The following ANKRD24 variants were observed in gnomAD, a reference collection of about 807,000 sequenced individuals.
ANKRD24 encodes the protein ankyrin repeat domain 24.
In ANKRD24, 109 loss-of-function variants were observed where a neutral mutation model predicts 127.8. That is an observed-to-expected ratio of 0.85 (90% CI 0.73 to 1.00). The LOEUF is 1.00. Ranked by LOEUF, ANKRD24 falls within the 50% of genes least tolerant of loss-of-function variation. The pLI, the probability that ANKRD24 is intolerant of heterozygous loss-of-function variation, is 0.00. For synonymous variants in ANKRD24, 743 were observed against 671.1 expected (o/e 1.11, Z -1.66); for missense variants, 1,648 against 1,570.2 (o/e 1.05, Z -0.84).
At position 4,200,184 on chromosome 19, in the gene ANKRD24, G is replaced by A; in HGVS notation, c.343+13G>A. 1.3e-6 allele frequency: 2 copies of A among 1,585,322 alleles called. No homozygotes were observed. The highest frequency in any genetic ancestry group is 1.7e-6 in the Non-Finnish European group (2 of 1,167,452). Reference sequence around the variant, plus strand: ...GCGGACGGGGCAGGTACTGCCAGCTGGGCCCCGGGGAGGGAGGAGGAACTA... The same window carrying A: ...GCGGACGGGGCAGGTACTGCCAGCTAGGCCCCGGGGAGGGAGGAGGAACTA... On this transcript the variant is annotated intron_variant, in intron 5 of 21. Transcript: ENST00000318934.
chr19:4,202,254 C>T (rs1188524175), intron 6 of ANKRD24, among the ~76,000 whole-genome samples, 164 bp downstream of exon 6: 1 of 152,058 alleles, frequency 6.6e-6, no homozygotes, highest in Non-Finnish European at 1.5e-5. Context: ...TCAGACCATC[C>T]ACATGCTTCT....
chr19:4,199,651 A>AC lies in ANKRD24; in HGVS notation c.37-27dup. 6.6e-7 allele frequency: 1 copy of AC among 1,505,748 alleles called. No homozygotes were observed. The allele number at this position is 1,505,748 out of a possible 1,614,324, so 93.3% of individuals were successfully genotyped here. A position where few individuals can be genotyped will look rare whatever the true frequency, so the allele number is the denominator to read the frequency against. ...CAGGCTTGGGGGACACTGTCTGAGGACCCCCTCGCCCAGGACCACCTCCCC... is the reference window on the plus strand; with the variant it reads ...CAGGCTTGGGGGACACTGTCTGAGGACCCCCCTCGCCCAGGACCACCTCCCC... On this transcript the variant is annotated intron_variant, in intron 2 of 21. Transcript: ENST00000318934. The surrounding 1 kb of genome is among the most constrained non-coding windows in gnomAD (Gnocchi z 5.2).
Position 4,217,051 on chromosome 19 carries a change from G to C in ANKRD24, c.1891G>C (p.Glu631Gln). ...KPTGAQATDTETTGVEAMGVE... is the reference protein window; with the variant it reads ...KPTGAQATDTQTTGVEAMGVE... The stretch of plus-strand genomic sequence containing the variant: ...CACAGGAGCTCAGGCCACAGACACA[G>C]AGACCACGGGAGTGGAGGCCATGGG... The change falls in exon 18 of 22, where the codon GAG (glutamate) becomes CAG (glutamine). Residue 631 changes from glutamate to glutamine, a missense_variant. Physicochemically the swap from Glu to Gln is conservative, Grantham distance 29. Coordinates refer to ENST00000318934, the MANE Select transcript of ANKRD24 (RefSeq NM_001393985.1). 1 of 1,613,890 alleles carries C rather than the reference G, an allele frequency of 6.2e-7. No individual in the cohort carries two copies. The highest frequency in any genetic ancestry group is 1.1e-5 in the South Asian group (1 of 91,078).
intron 16 of ANKRD24, 67 bp downstream of exon 16, chr19:4,216,117 C>T: frequency 6.6e-7 from 1 of 1,504,066 alleles, no homozygotes; most frequent in South Asian, 1.2e-5. Context: ...GACGGAGCCT[C>T]TGGGTGTGGG....
In ANKRD24 at chr19:4,211,465, C is replaced by G. The variant is rs1271758409; in HGVS notation, c.1060-1010C>G. Among the ~76,000 whole-genome samples the G allele has an allele frequency of 2.0e-5, 3 of 151,964 alleles. No homozygotes were observed. The East Asian group carries it at 5.8e-4, about 30-fold the overall frequency. On this transcript the variant is annotated intron_variant, in intron 13 of 21. Coordinates refer to ENST00000318934, the MANE Select transcript of ANKRD24 (RefSeq NM_001393985.1). The stretch of plus-strand genomic sequence containing the variant: ...ACCAGCCTGGCCAACATAGTGAAAC[C>G]CTGTCTCTACTAAAAATACAAAAAA...
rs1968997943 is a variant in ANKRD24 at position 4,199,931 on chromosome 19, T to C, written c.180T>C (p.Asp60=). The change falls in exon 4 of 22, where the codon GAT becomes GAC. Residue 60 remains aspartate, a synonymous_variant. Coordinates refer to ENST00000318934, the MANE Select transcript of ANKRD24 (RefSeq NM_001393985.1). The surrounding 1 kb of genome is among the most constrained non-coding windows in gnomAD (Gnocchi z 5.2). The part of the protein sequence containing the change: ...ERLLQAVENN[D]APRVAALIAR... ...TGCTACAAGCCGTGGAAAACAACGA[T>C]GCACCTCGGGTGGCCGCCCTCATCG... 1.3e-6 allele frequency: 2 copies of C among 1,569,496 alleles called. No homozygotes were observed. Among genetic ancestry groups the C allele is most frequent in the Admixed American group, 1.9e-5 (1 of 52,936 alleles).
intron 11 of ANKRD24, 74 bp from the exon 12 acceptor site, chr19:4,209,984 G>A: frequency 1.2e-6 from 1 of 840,960 alleles, no homozygotes; most frequent in South Asian, 1.6e-5. Context: ...GGCTGGCTGG[G>A]TTGGTTTACT....
rs371228003 is a variant in ANKRD24 at position 4,224,543 on chromosome 19, C to T, written c.*38C>T. On this transcript the variant is annotated 3_prime_UTR_variant, in exon 22 of 22. Coordinates refer to ENST00000318934, the MANE Select transcript of ANKRD24 (RefSeq NM_001393985.1). ...CCAGTGGCTACACTGACCACACCCACGCAGGGACCTCACCCCCCTGCAGGC... is the reference window on the plus strand; with the variant it reads ...CCAGTGGCTACACTGACCACACCCATGCAGGGACCTCACCCCCCTGCAGGC... 3.0e-5 allele frequency: 47 copies of T among 1,568,810 alleles called. No homozygotes were observed. Among genetic ancestry groups the T allele is most frequent in the Admixed American group, 5.4e-5 (3 of 55,220 alleles).
chr19:4,219,492 A>G (rs966082573), intron 18 of ANKRD24, 99 bp from the exon 19 acceptor site: 38 of 1,437,432 alleles, frequency 2.6e-5, no homozygotes, highest in Middle Eastern at 1.9e-4. Flanking sequence ...AAAAAAATCC[A>G]AAAACAAAAG....
intron 7 of ANKRD24, among the ~76,000 whole-genome samples, chr19:4,206,427 G>A (rs1457536711): frequency 6.6e-6 from 1 of 151,408 alleles, no homozygotes; most frequent in Non-Finnish European, 1.5e-5. Context: ...AAAAGCCTGG[G>A]CAACGTAGCA....
At chr19:4,194,547 A>G (rs1284262831) in intron 2 of ANKRD24, among the ~76,000 whole-genome samples, 2 of 152,180 alleles carry the variant, frequency 1.3e-5, no homozygotes, top group East Asian at 3.8e-4. Flanking sequence ...ACGTGTAAAT[A>G]CCATTCTCTA....
At chr19:4,219,446 T>G in intron 18 of ANKRD24, 145 bp from the exon 19 acceptor site, 1 of 827,356 alleles carries the variant, frequency 1.2e-6, no homozygotes, top group Non-Finnish European at 1.8e-6. Flanking sequence ...CAGCCAGGAG[T>G]GCAGGTCCGG....
chr19:4,222,572 G>C, intron 19 of ANKRD24, 98 bp from the exon 20 acceptor site: 2 of 1,369,942 alleles, frequency 1.5e-6, no homozygotes, highest in Non-Finnish European at 1.9e-6. Context: ...ACCTTCCCTT[G>C]AAAGCCTTTA....
chr19:4,185,141 T>C (rs1260906932), intron 1 of ANKRD24, among the ~76,000 whole-genome samples: 1 of 150,826 alleles, frequency 6.6e-6, no homozygotes. Context: ...GATGGGTGGT[T>C]GGGTGGATGG....
chr19:4,196,227 G>A lies in ANKRD24; in HGVS notation c.37-3456G>A, dbSNP rs148490286. On this transcript the variant is annotated intron_variant, in intron 2 of 21. Transcript: ENST00000318934. ...AGGGAGAATTTCAGAGAGGGAAAGCGATTAGCTCAAGGTCACACAGCAAGG... is the reference window on the plus strand; with the variant it reads ...AGGGAGAATTTCAGAGAGGGAAAGCAATTAGCTCAAGGTCACACAGCAAGG... 1.6e-3 allele frequency among the ~76,000 whole-genome samples: 241 copies of A among 152,288 alleles called. 1 individual carries two copies. The highest frequency in any genetic ancestry group is 5.5e-3 in the African/African-American group (227 of 41,574).
At chr19:4,194,949 G>C (rs968199335) in intron 2 of ANKRD24, among the ~76,000 whole-genome samples, 4 of 151,608 alleles carry the variant, frequency 2.6e-5, no homozygotes, top group Non-Finnish European at 4.4e-5. Context: ...AGTGGGCTCC[G>C]AGGGGCATTT....
rs1001611981 is a variant in ANKRD24, at chr19:4,183,904, G to A, written c.-37+1164G>A. The stretch of plus-strand genomic sequence containing the variant: ...GCCTGGGCAACAAGCATGAAACTCC[G>A]TCTCAAAAATAAATAAATAAATAAA... On this transcript the variant is annotated intron_variant, in intron 1 of 21. Coordinates refer to ENST00000318934, the MANE Select transcript of ANKRD24 (RefSeq NM_001393985.1). 4.6e-5 allele frequency among the ~76,000 whole-genome samples: 7 copies of A among 151,454 alleles called. No homozygotes were observed. In the East Asian group the frequency reaches 5.8e-4, roughly 13 times the overall value.
Position 4,224,488 on chromosome 19 carries a change from C to T in ANKRD24, c.3424C>T (p.Gln1142Ter), listed in dbSNP as rs762774941. Residue 1142 changes from glutamine (Q) to a stop codon, truncating the protein, a stop_gained, in exon 22 of 22, where the codon CAG becomes TAG. Coordinates refer to ENST00000318934, the MANE Select transcript of ANKRD24 (RefSeq NM_001393985.1). LOFTEE classifies it high-confidence loss of function. ...LSQILQMQRL[Q>*]AQGR ...CCAGATTCTGCAGATGCAGAGACTC[C>T]AGGCTCAGGGCCGCTGAGAAAGGCC... The T allele has an allele frequency of 4.4e-5, 71 of 1,610,264 alleles. No homozygotes were observed. The highest frequency in any genetic ancestry group is 5.8e-5 in the Non-Finnish European group (68 of 1,178,458).
chr19:4,207,162 G>A (rs775416034), intron 7 of ANKRD24, 80 bp from the exon 8 acceptor site: 60 of 1,248,618 alleles, frequency 4.8e-5, no homozygotes, highest in Admixed American at 1.5e-4. Flanking sequence ...GAACTCAAGC[G>A]AACCTCCTGC....
Sources: allele counts gnomAD v4.1 joint callset (sites outside exome capture counted in the v4.1 genomes callset), GRCh38; gene constraint gnomAD v4.1.1; non-coding constraint Gnocchi (gnomAD v3.1); transcripts MANE v1.5; gene names NCBI Gene and HGNC (gene_info 2026-07-23, HGNC 2026-07-21).